Variants in SORCS2 observed in about 807,000 individuals in gnomAD.
SORCS2 encodes VPS10 domain-containing receptor SorCS2.
In SORCS2, 100 loss-of-function variants were observed where a neutral mutation model predicts 141.6. The observed-to-expected ratio is 0.71, with a 90% CI of 0.60 to 0.83. The LOEUF (loss-of-function observed/expected upper bound fraction) is 0.83. SORCS2 is among the 40% of genes least tolerant of loss of function. The pLI is 0.00. For synonymous variants in SORCS2, 789 were observed against 676.9 expected (o/e 1.17, Z -2.57); for missense variants, 1,646 against 1,560.2 (o/e 1.05, Z -0.93).
At chr4:7,234,849 G>C (rs1712149875) in intron 1 of SORCS2, among the ~76,000 whole-genome samples, 1 of 152,262 alleles carries the variant, frequency 6.6e-6, no homozygotes, top group Non-Finnish European at 1.5e-5. Context: ...CAGGCAGCCT[G>C]TCCACGGCTG....
chr4:7,473,697 G>A (rs7683874), intron 2 of SORCS2, among the ~76,000 whole-genome samples: 20,917 of 152,038 alleles, frequency 0.14, 1,952 homozygotes, highest in South Asian at 0.24. Context: ...GACTAGAAGG[G>A]CCTTTTGGGA....
At chr4:7,239,732 A>C (rs1399712981) in intron 1 of SORCS2, among the ~76,000 whole-genome samples, 3 of 152,254 alleles carry the variant, frequency 2.0e-5, no homozygotes, top group Non-Finnish European at 4.4e-5. Flanking sequence ...GTTCTGGCCG[A>C]AAAGTTCTGA....
At chr4:7,592,666 G>A (rs1716997744) in intron 3 of SORCS2, among the ~76,000 whole-genome samples, 1 of 152,212 alleles carries the variant, frequency 6.6e-6, no homozygotes, top group Non-Finnish European at 1.5e-5. Context: ...ACTGTGTGGA[G>A]CAGGGCTGTG....
chr4:7,297,925 C>T (rs1008158918), intron 1 of SORCS2, among the ~76,000 whole-genome samples: 2 of 152,240 alleles, frequency 1.3e-5, no homozygotes, highest in Non-Finnish European at 2.9e-5. Flanking sequence ...TCTGTGGAGC[C>T]GAGACTGAGC....
intron 1 of SORCS2, among the ~76,000 whole-genome samples, chr4:7,216,823 TG>T (rs1728381061): frequency 3.3e-5 from 5 of 152,064 alleles, no homozygotes. Context: ...GATGTCTTCT[TG>T]GGGGCTGAGA....
intron 2 of SORCS2, among the ~76,000 whole-genome samples, chr4:7,429,835 GT>G (rs1726706501): frequency 6.6e-6 from 1 of 152,220 alleles, no homozygotes; most frequent in African/African-American, 2.4e-5. Flanking sequence ...CCTCGGGCAA[GT>G]TATTTAACCT....
chr4:7,227,529 C>G (rs1319377778), intron 1 of SORCS2, among the ~76,000 whole-genome samples: 1 of 152,144 alleles, frequency 6.6e-6, no homozygotes, highest in Admixed American at 6.5e-5. Flanking sequence ...GTGAGGTGGG[C>G]TTTCTTGAGA....
intron 3 of SORCS2, among the ~76,000 whole-genome samples, chr4:7,633,580 T>A (rs2108852817): frequency 6.6e-6 from 1 of 152,270 alleles, no homozygotes; most frequent in Non-Finnish European, 1.5e-5. Flanking sequence ...TGTGAAAGAA[T>A]GAATGAATGA....
At chr4:7,204,898 G>A (rs908738787) in intron 1 of SORCS2, among the ~76,000 whole-genome samples, 1 of 152,224 alleles carries the variant, frequency 6.6e-6, no homozygotes, top group Non-Finnish European at 1.5e-5. Context: ...CGGCGCGGCC[G>A]CGCTTGCTAA....
At chr4:7,450,488 C>T (rs1355900134) in intron 2 of SORCS2, among the ~76,000 whole-genome samples, 1 of 152,232 alleles carries the variant, frequency 6.6e-6, no homozygotes, top group Middle Eastern at 3.2e-3. Flanking sequence ...AACTGTGACC[C>T]ACATGCCAAT....
At chr4:7,590,445 A>G (rs2108773826) in intron 3 of SORCS2, among the ~76,000 whole-genome samples, 1 of 152,326 alleles carries the variant, frequency 6.6e-6, no homozygotes, top group South Asian at 2.1e-4. Flanking sequence ...CCAGGGAGAG[A>G]AATGCCTCCA....
At chr4:7,484,465 G>A (rs866149184) in intron 2 of SORCS2, among the ~76,000 whole-genome samples, 3 of 152,152 alleles carry the variant, frequency 2.0e-5, no homozygotes, top group Admixed American at 2.0e-4. Context: ...CCGTGGGAAG[G>A]AACGCTGTCC....
chr4:7,729,513 GTTCC>G (rs1240361608), intron 22 of SORCS2, 70 bp from the exon 23 acceptor site: 1 of 1,516,228 alleles, frequency 6.6e-7, no homozygotes, highest in Non-Finnish European at 8.9e-7. Flanking sequence ...GAGAGAGGGT[GTTCC>G]TGGGGGCCCC....
At chr4:7,437,779 A>T (rs997963699) in intron 2 of SORCS2, among the ~76,000 whole-genome samples, 1 of 152,148 alleles carries the variant, frequency 6.6e-6, no homozygotes. Context: ...CAAGAAGGGT[A>T]CAAGGCACTC....
intron 3 of SORCS2, among the ~76,000 whole-genome samples, chr4:7,624,819 G>C (rs1719418575): frequency 6.6e-6 from 1 of 152,218 alleles, no homozygotes; most frequent in Non-Finnish European, 1.5e-5. Flanking sequence ...AATGTCCTCA[G>C]ACAGGCAAAC....
chr4:7,561,593 C>T (rs114877610), intron 3 of SORCS2, among the ~76,000 whole-genome samples: 5 of 65,734 alleles, frequency 7.6e-5, no homozygotes, highest in African/African-American at 3.8e-4. Flanking sequence ...TCCATTCATC[C>T]ATCTATCCAT....
intron 1 of SORCS2, among the ~76,000 whole-genome samples, chr4:7,299,193 G>A (rs566518661): frequency 1.3e-5 from 2 of 152,266 alleles, no homozygotes; most frequent in Non-Finnish European, 2.9e-5. Flanking sequence ...GGGGCTGGGG[G>A]TGGGCCCCCT....
chr4:7,303,403 C>T (rs555335292), intron 1 of SORCS2, among the ~76,000 whole-genome samples: 3 of 152,186 alleles, frequency 2.0e-5, no homozygotes, highest in African/African-American at 4.8e-5. Flanking sequence ...AAAAGAAACC[C>T]GTCTCATCCC....
At chr4:7,339,711 G>T in intron 1 of SORCS2, among the ~76,000 whole-genome samples, 1 of 152,216 alleles carries the variant, frequency 6.6e-6, no homozygotes, top group Non-Finnish European at 1.5e-5. Context: ...ACATTCGTAG[G>T]TCCTGGGGGT....
Sources: allele counts gnomAD v4.1 joint callset (sites outside exome capture counted in the v4.1 genomes callset), GRCh38; gene constraint gnomAD v4.1.1; transcripts MANE v1.5; gene names NCBI Gene and HGNC (gene_info 2026-07-23, HGNC 2026-07-21).